Variants in RPS7 observed in about 807,000 individuals in gnomAD.
RPS7 encodes the protein ribosomal protein S7, also known as small ribosomal subunit protein eS7.
A neutral mutation model predicts 22.1 loss-of-function variants in RPS7; 1 was observed. The ratio of observed to expected loss-of-function variants is 0.05; its 90% CI spans 0.02 to 0.21. RPS7 has a LOEUF of 0.21. Among genes scored for constraint, RPS7 ranks in the 10% least tolerant of loss-of-function variants. The pLI, the probability that RPS7 is intolerant of heterozygous loss-of-function variation, is 1.00. For synonymous variants in RPS7, 80 were observed against 92.0 expected (o/e 0.87, Z 0.74); for missense variants, 137 against 246.4 (o/e 0.56, Z 2.97).
chr2:3,580,487 T>C (rs1231943616), intron 6 of RPS7: 1 of 649,360 alleles, frequency 1.5e-6, no homozygotes, highest in Non-Finnish European at 2.8e-6. Context: ...AGTAGACTCT[T>C]TCTGTGGTCT....
chr2:3,580,370 T>A, intron 6 of RPS7, 110 bp downstream of exon 6: 1 of 954,376 alleles, frequency 1.0e-6, no homozygotes, highest in Non-Finnish European at 1.7e-6. Flanking sequence ...AACTCAGGAC[T>A]AGTTCTTTTA....
At chr2:3,580,634 C>G in intron 6 of RPS7, 171 bp from the exon 7 acceptor site, 1 of 658,060 alleles carries the variant, frequency 1.5e-6, no homozygotes, top group South Asian at 1.8e-5. Context: ...AGTTCTGTCC[C>G]ACAGCATTGG....
Position 3,576,408 on chromosome 2 carries a change from G to A in RPS7, c.148-79G>A, listed in dbSNP as rs797045922. The A allele has an allele frequency of 1.6e-6, 2 of 1,254,460 alleles. No homozygotes were observed. The highest frequency in any genetic ancestry group is 2.3e-6 in the Non-Finnish European group (2 of 854,430). 77.7% of individuals were successfully genotyped at this position (1,254,460 alleles called of 1,614,324 possible). On this transcript the variant is annotated intron_variant, in intron 3 of 6. Coordinates refer to ENST00000645674, the MANE Select transcript of RPS7 (RefSeq NM_001011.4). ...GTGCAGCTACGGTGTTAGTGATAAG[G>A]TCTTCTTATCCTCTAATTTGACCAC...
intron 3 of RPS7, chr2:3,576,119 G>A (rs924708158): frequency 8.2e-6 from 5 of 611,068 alleles, no homozygotes; most frequent in South Asian, 5.8e-5. Flanking sequence ...GAAACGTGGA[G>A]TAGGGAGGGC....
At chr2:3,578,111 A>C (rs1473269761) in intron 5 of RPS7, 3 of 218,380 alleles carry the variant, frequency 1.4e-5, no homozygotes, top group South Asian at 1.1e-4. Context: ...GCTTGGATTT[A>C]TCTTTGATTT....
intron 3 of RPS7, 182 bp downstream of exon 3, chr2:3,576,070 G>A (rs535356277): frequency 9.2e-6 from 6 of 653,462 alleles, no homozygotes; most frequent in African/African-American, 9.0e-5. Flanking sequence ...GGGGTTGCAG[G>A]TACCCTGCGG....
intron 3 of RPS7, 179 bp from the exon 4 acceptor site, chr2:3,576,308 G>C (rs1225455630): frequency 2.9e-6 from 2 of 690,742 alleles, no homozygotes; most frequent in African/African-American, 1.8e-5. Flanking sequence ...ATAAGGAAAT[G>C]TGAAGGTTGG....
At chr2:3,575,535 G>A in intron 1 of RPS7, 57 bp from the exon 2 acceptor site, 1 of 1,297,734 alleles carries the variant, frequency 7.7e-7, no homozygotes. Context: ...CGGGCGGGAG[G>A]GCGAGCCAGC....
chr2:3,578,004 T>G, intron 5 of RPS7: 1 of 565,974 alleles, frequency 1.8e-6, no homozygotes, highest in Non-Finnish European at 3.1e-6. Context: ...CAAGATGAGA[T>G]GATTTCCTCC....
chr2:3,576,170 A>G lies in RPS7; in HGVS notation c.147+282A>G, dbSNP rs910081411. ...ACCTTATTTGCCCTTACTTAGTTAT[A>G]GATACGGCAAAGAGCTGTGGGGAGC... On this transcript the variant is annotated intron_variant, in intron 3 of 6. Transcript: ENST00000645674. The G allele has an allele frequency of 6.7e-6, 4 of 592,794 alleles. No individual in the cohort carries two copies. In the South Asian group the frequency reaches 7.9e-5, roughly 12 times the overall value. 36.7% of individuals were successfully genotyped at this position (592,794 alleles called of 1,614,324 possible). A position where few individuals can be genotyped will look rare whatever the true frequency, so the allele number is the denominator to read the frequency against.
chr2:3,575,478 G>T (rs1164346424), intron 1 of RPS7, 114 bp from the exon 2 acceptor site: 3 of 720,612 alleles, frequency 4.2e-6, no homozygotes, highest in Non-Finnish European at 4.9e-6. Context: ...CCCGCCCTGT[G>T]CTTTCCGATG....
rs1220658360 is a variant in RPS7 at position 3,577,089 on chromosome 2, A to G, written c.291+459A>G. On this transcript the variant is annotated intron_variant, in intron 4 of 6. Coordinates refer to ENST00000645674, the MANE Select transcript of RPS7 (RefSeq NM_001011.4). ...TGTGGCTCACTCCTGTAATCCCAGC[A>G]CTTTGGGAGGCTGAGGCAGGCGGAT... 11 of 220,422 alleles carry G rather than the reference A, an allele frequency of 5.0e-5. 1 individual carries two copies. Among genetic ancestry groups the G allele is most frequent in the Non-Finnish European group, 1.0e-4 (11 of 108,454 alleles). 13.7% of individuals were successfully genotyped at this position (220,422 alleles called of 1,614,324 possible). A position where few individuals can be genotyped will look rare whatever the true frequency, so the allele number is the denominator to read the frequency against.
At chr2:3,579,188 T>G in intron 5 of RPS7, 1 of 152,366 alleles carries the variant, frequency 6.6e-6, no homozygotes, top group South Asian at 2.1e-4. Context: ...GGTGCTTTCC[T>G]AGTATTGTAA....
chr2:3,577,045 C>G, intron 4 of RPS7: 1 of 277,366 alleles, frequency 3.6e-6, no homozygotes, highest in South Asian at 3.5e-5. Flanking sequence ...AACTAAGAAA[C>G]CTGTTACAGG....
At chr2:3,580,325 A>C in intron 6 of RPS7, 65 bp downstream of exon 6, 2 of 1,416,658 alleles carry the variant, frequency 1.4e-6, no homozygotes, top group Non-Finnish European at 2.0e-6. Context: ...TAGTGTAACC[A>C]GTCTCCATGC....
intron 3 of RPS7, 101 bp downstream of exon 3, chr2:3,575,989 G>A (rs995623979): frequency 2.0e-5 from 17 of 850,422 alleles, no homozygotes; most frequent in Admixed American, 4.0e-5. Flanking sequence ...ATGACTTGCC[G>A]CCTGGCCGCC....
chr2:3,576,115 T>G (rs1661272706), intron 3 of RPS7: 4 of 612,074 alleles, frequency 6.5e-6, no homozygotes, highest in South Asian at 5.8e-5. Flanking sequence ...TGGAGAAACG[T>G]GGAGTAGGGA....
Position 3,577,769 on chromosome 2 carries a change from CAGG to C in RPS7, c.355_356+1del. 1 of 1,608,188 alleles carries C rather than the reference CAGG, an allele frequency of 6.2e-7. No individual in the cohort carries two copies. ...GTACAAAAAATAAGCAAAAGCGTCCCAGGAGGTGAGTATTTTAGTAGTTTCAGA... is the reference window on the plus strand; with the variant it reads ...GTACAAAAAATAAGCAAAAGCGTCCCAGGTGAGTATTTTAGTAGTTTCAGA... On this transcript the variant is annotated inframe_deletion and splice_region_variant, in exon 5 of 7. Transcript: ENST00000645674.
chr2:3,580,086 T>C, intron 5 of RPS7, 24 bp from the exon 6 acceptor site: 5 of 1,613,566 alleles, frequency 3.1e-6, no homozygotes, highest in Non-Finnish European at 4.2e-6. Flanking sequence ...GCTAGGTTGC[T>C]TACCTTTTAA....
Sources: gnomAD v4.1 joint callset for allele counts on GRCh38, gnomAD v4.1.1 for gene constraint, MANE v1.5 for transcripts, NCBI Gene and HGNC (gene_info 2026-07-23, HGNC 2026-07-21) for gene names.